The following PCED1B variants were observed in gnomAD, a reference collection of about 807,000 sequenced individuals.
PCED1B encodes PC-esterase domain containing 1B, also known as PC-esterase domain-containing protein 1B.
For missense variants in PCED1B, 573 were observed against 573.9 expected, an observed-to-expected ratio of 1.00 and a Z score of 0.02; for synonymous variants, 251 against 246.1, an observed-to-expected ratio of 1.02 and a Z score of -0.19.
At chr12:47,234,939 C>A in intron 3 of PCED1B, 68 bp from the exon 4 acceptor site, 2 of 845,354 alleles carry the variant, frequency 2.4e-6, no homozygotes, top group Non-Finnish European at 3.4e-6. Context: ...GTCTCCCTAC[C>A]CCCAACCTGC....
At chr12:47,159,307 T>C (rs947221757) in intron 2 of PCED1B, among the ~76,000 whole-genome samples, 2 of 152,188 alleles carry the variant, frequency 1.3e-5, no homozygotes, top group African/African-American at 4.8e-5. Context: ...TTTTAGTTTT[T>C]TTGAGAAATC....
intron 2 of PCED1B, among the ~76,000 whole-genome samples, chr12:47,147,291 A>G (rs767700015): frequency 2.6e-5 from 4 of 152,168 alleles, no homozygotes; most frequent in Non-Finnish European, 5.9e-5. Context: ...TACTGGGATT[A>G]TAGGTGTGAG....
At chr12:47,131,349 T>G (rs532929339) in intron 2 of PCED1B, among the ~76,000 whole-genome samples, 3 of 152,200 alleles carry the variant, frequency 2.0e-5, no homozygotes, top group Non-Finnish European at 4.4e-5. Context: ...AACCTTTGCC[T>G]CCTCTCAGAA....
intron 2 of PCED1B, chr12:47,138,354 T>A (rs1940467347): frequency 6.6e-6 from 1 of 152,238 alleles, no homozygotes. Flanking sequence ...TCTGCCCTTC[T>A]TAGCCTTTGT....
In PCED1B at chr12:47,155,300, A is replaced by G. The variant is rs559802165; in HGVS notation, c.-526+51105A>G. 3.9e-5 allele frequency among the ~76,000 whole-genome samples: 6 copies of G among 152,314 alleles called. No homozygotes were observed. In the South Asian group the frequency reaches 1.2e-3, roughly 32 times the overall value. Reference sequence around the variant, plus strand: ...CCATTGTAAGACACTCTATTATTTTATGATCAACTAAGAAAGAAAAGTCAC... The same window carrying G: ...CCATTGTAAGACACTCTATTATTTTGTGATCAACTAAGAAAGAAAAGTCAC... On this transcript the variant is annotated intron_variant, in intron 2 of 3. Transcript: ENST00000546455.
chr12:47,184,568 T>G (rs1942195552), intron 2 of PCED1B, among the ~76,000 whole-genome samples: 1 of 152,154 alleles, frequency 6.6e-6, no homozygotes, highest in South Asian at 2.1e-4. Flanking sequence ...TAAAAGAATT[T>G]TTAAAAATTA....
intron 2 of PCED1B, among the ~76,000 whole-genome samples, chr12:47,133,147 C>T (rs1455295144): frequency 6.6e-6 from 1 of 152,006 alleles, no homozygotes; most frequent in African/African-American, 2.4e-5. Context: ...ATTTCCTGAC[C>T]CTTTATTTTC....
intron 2 of PCED1B, among the ~76,000 whole-genome samples, chr12:47,125,559 A>T (rs1435022731): frequency 6.6e-6 from 1 of 152,040 alleles, no homozygotes; most frequent in Non-Finnish European, 1.5e-5. Context: ...TGCTGGGTAC[A>T]TGATTGAGAT....
At position 47,180,451 on chromosome 12, in the gene PCED1B, C is replaced by A. The variant is rs149296926; in HGVS notation, c.-525-35771C>A. On this transcript the variant is annotated intron_variant, in intron 2 of 3. Transcript: ENST00000546455. ...AAATTGAAACTAGACTCCTTCCTTA[C>A]ACCTTATACAAAAATTAACTCAAGA... Among the ~76,000 whole-genome samples, 10 of 152,314 alleles carry A rather than the reference C, an allele frequency of 6.6e-5. No homozygotes were observed. The East Asian group carries it at 1.9e-3, about 29-fold the overall frequency.
intron 1 of PCED1B, among the ~76,000 whole-genome samples, chr12:47,092,370 G>A (rs939878794): frequency 3.3e-5 from 5 of 151,936 alleles, no homozygotes; most frequent in Non-Finnish European, 7.4e-5. Context: ...TATGTTGACT[G>A]TATATCCGGT....
intron 1 of PCED1B, among the ~76,000 whole-genome samples, chr12:47,083,621 C>A (rs1176958484): frequency 6.6e-6 from 1 of 152,190 alleles, no homozygotes; most frequent in Non-Finnish European, 1.5e-5. Context: ...AGATCTCTCA[C>A]CCCATCCTGT....
In PCED1B at chr12:47,235,449, C is replaced by T; in HGVS notation, c.386C>T (p.Ser129Phe). The T allele has an allele frequency of 6.2e-7, 1 of 1,614,170 alleles. No homozygotes were observed. Among genetic ancestry groups the T allele is most frequent in the Non-Finnish European group, 8.5e-7 (1 of 1,180,028 alleles). The change falls in exon 4 of 4, where the codon TCC becomes TTC. Residue 129 changes from serine (S) to phenylalanine (F), a missense_variant. Coordinates refer to ENST00000546455, the MANE Select transcript of PCED1B (RefSeq NM_138371.3). ...VIMNSCLWDI[S>F]RYGPNSWRSY... Reference sequence around the variant, plus strand: ...ATGAATTCCTGCCTCTGGGACATCTCCAGGTATGGTCCGAACTCCTGGAGA... The same window carrying T: ...ATGAATTCCTGCCTCTGGGACATCTTCAGGTATGGTCCGAACTCCTGGAGA...
At chr12:47,182,590 C>CA (rs36094308) in intron 2 of PCED1B, among the ~76,000 whole-genome samples, 210 of 138,812 alleles carry the variant, frequency 1.5e-3, no homozygotes, top group African/African-American at 4.8e-3. Context: ...GACTCCATCT[C>CA]AAAAAAAAAA....
chr12:47,095,638 C>T (rs1938455218), intron 1 of PCED1B, among the ~76,000 whole-genome samples: 1 of 152,088 alleles, frequency 6.6e-6, no homozygotes, highest in South Asian at 2.1e-4. Flanking sequence ...TATCTGGGTT[C>T]CAGCTCACTG....
chr12:47,180,128 T>A (rs1231882052), intron 2 of PCED1B, among the ~76,000 whole-genome samples: 3 of 152,152 alleles, frequency 2.0e-5, no homozygotes, highest in Admixed American at 1.3e-4. Flanking sequence ...GTGTGTGGTG[T>A]TCCTCACTAT....
intron 2 of PCED1B, among the ~76,000 whole-genome samples, chr12:47,124,374 C>T (rs1320119007): frequency 6.6e-6 from 1 of 152,010 alleles, no homozygotes; most frequent in African/African-American, 2.4e-5. Context: ...TTGCTGAACA[C>T]TATTCCATTG....
chr12:47,132,391 T>A (rs1044765791), intron 2 of PCED1B, among the ~76,000 whole-genome samples: 1 of 152,140 alleles, frequency 6.6e-6, no homozygotes, highest in African/African-American at 2.4e-5. Context: ...AGTAAGGTTC[T>A]AATAAAATTT....
At chr12:47,132,936 G>T (rs1419100997) in intron 2 of PCED1B, among the ~76,000 whole-genome samples, 1 of 152,170 alleles carries the variant, frequency 6.6e-6, no homozygotes, top group Non-Finnish European at 1.5e-5. Flanking sequence ...GGGAAATGGT[G>T]ATAATGGTGA....
Position 47,235,453 on chromosome 12 carries a change from G to T in PCED1B, c.390G>T (p.Arg130Ser). ...ATTCCTGCCTCTGGGACATCTCCAG[G>T]TATGGTCCGAACTCCTGGAGAAGCT... The part of the protein sequence containing the change: ...IMNSCLWDIS[R>S]YGPNSWRSYL... The change falls in exon 4 of 4, where the codon AGG becomes AGT. Residue 130 changes from arginine to serine, a missense_variant. Transcript: ENST00000546455. 6.2e-7 allele frequency: 1 copy of T among 1,614,144 alleles called. No homozygotes were observed. The highest frequency in any genetic ancestry group is 1.1e-5 in the South Asian group (1 of 91,088).
Sources: gnomAD v4.1 joint callset for allele counts (sites outside exome capture counted in the v4.1 genomes callset) on GRCh38, gnomAD v4.1.1 for gene constraint, MANE v1.5 for transcripts, NCBI Gene and HGNC (gene_info 2026-07-23, HGNC 2026-07-21) for gene names.